RIN2: variants seen among roughly 807,000 people sequenced by gnomAD.
The protein encoded by RIN2 is Ras and Rab interactor 2.
Under a neutral mutation model 78.0 loss-of-function variants are expected in RIN2, and 36 were observed. That is an observed-to-expected ratio of 0.46 (90% CI 0.35 to 0.61). The LOEUF (loss-of-function observed/expected upper bound fraction) is 0.61, where lower values mean the gene tolerates loss of function less well. Ranked by LOEUF, RIN2 falls within the 20% of genes least tolerant of loss-of-function variation. The probability of loss-of-function intolerance (pLI) is 0.00; values close to 1 mark genes in which losing one functional copy is unlikely to be tolerated. For missense variants in RIN2, 1,087 were observed against 1,159.7 expected (o/e 0.94, Z 0.91); for synonymous variants, 466 against 466.8 (o/e 1.00, Z 0.02).
At chr20:19,883,987 G>A (rs1205356619) in intron 2 of RIN2, among the ~76,000 whole-genome samples, 1 of 144,092 alleles carries the variant, frequency 6.9e-6, no homozygotes, top group African/African-American at 2.5e-5. Flanking sequence ...TTATGTGAAA[G>A]ATAGGGTTTC....
chr20:19,813,540 GC>G (rs2035669103), intron 2 of RIN2, among the ~76,000 whole-genome samples: 1 of 152,126 alleles, frequency 6.6e-6, no homozygotes, highest in African/African-American at 2.4e-5. Context: ...TAACAATTGG[GC>G]AAATGAATAC....
rs1204831418 is a variant in RIN2, at chr20:19,958,715, A to G, written c.351+1908A>G. On this transcript the variant is annotated intron_variant, in intron 5 of 12. Coordinates refer to ENST00000255006, the MANE Select transcript of RIN2 (RefSeq NM_018993.4). ...GAAACCCCGTCTCTACTAAAAATAC[A>G]CAAGTTAGCCAGCCATGGTGGCACG... is the stretch of plus-strand genomic sequence containing the variant. 5.3e-5 allele frequency among the ~76,000 whole-genome samples: 8 copies of G among 152,328 alleles called. No homozygotes were observed. The East Asian group carries it at 1.5e-3, about 29-fold the overall frequency.
At chr20:19,898,270 C>A (rs1275149711) in intron 3 of RIN2, among the ~76,000 whole-genome samples, 1 of 152,184 alleles carries the variant, frequency 6.6e-6, no homozygotes, top group Non-Finnish European at 1.5e-5. Flanking sequence ...CAGGGGACTT[C>A]TTTGTTTAAA....
intron 2 of RIN2, among the ~76,000 whole-genome samples, chr20:19,883,608 G>T (rs1404225334): frequency 6.6e-6 from 1 of 152,134 alleles, no homozygotes; most frequent in Non-Finnish European, 1.5e-5. Flanking sequence ...GTCCCAAAGT[G>T]CTGGGATTAC....
intron 1 of RIN2, among the ~76,000 whole-genome samples, chr20:19,780,594 C>T (rs530719641): frequency 9.2e-5 from 14 of 152,270 alleles, no homozygotes; most frequent in African/African-American, 3.4e-4. Flanking sequence ...ATGCCTAGTG[C>T]TCAAGAATAT....
chr20:19,984,493 G>A (rs769309998), intron 9 of RIN2, among the ~76,000 whole-genome samples: 12 of 152,260 alleles, frequency 7.9e-5, no homozygotes, highest in South Asian at 6.2e-4. Flanking sequence ...GGGGCCAGGC[G>A]TGGTGGCTCA....
intron 3 of RIN2, among the ~76,000 whole-genome samples, chr20:19,917,127 G>C (rs1297223021): frequency 6.7e-6 from 1 of 150,290 alleles, no homozygotes; most frequent in Non-Finnish European, 1.5e-5. Flanking sequence ...AAAAAAGGCA[G>C]GCGGAGTGGG....
chr20:19,931,827 C>G (rs1171535631), intron 3 of RIN2, among the ~76,000 whole-genome samples: 1 of 150,790 alleles, frequency 6.6e-6, no homozygotes, highest in Non-Finnish European at 1.5e-5. Flanking sequence ...ATTTTATACT[C>G]AATTAATGTA....
At chr20:19,778,398 G>T (rs1320263469) in intron 1 of RIN2, among the ~76,000 whole-genome samples, 1 of 152,208 alleles carries the variant, frequency 6.6e-6, no homozygotes, top group African/African-American at 2.4e-5. Flanking sequence ...ACTGTTAGTT[G>T]TGTGTGAGGC....
At chr20:19,887,037 T>TC (rs1288295935) in intron 2 of RIN2, among the ~76,000 whole-genome samples, 1 of 151,966 alleles carries the variant, frequency 6.6e-6, no homozygotes, top group Non-Finnish European at 1.5e-5. Context: ...TTTTTTTTTT[T>TC]TCTTTCGAGA....
At chr20:19,906,702 G>T (rs1315717080) in intron 3 of RIN2, among the ~76,000 whole-genome samples, 1 of 152,152 alleles carries the variant, frequency 6.6e-6, no homozygotes, top group African/African-American at 2.4e-5. Flanking sequence ...TTTTCAAGAA[G>T]CTGGAAACCT....
At chr20:19,779,062 C>T (rs918030706) in intron 1 of RIN2, among the ~76,000 whole-genome samples, 9 of 152,126 alleles carry the variant, frequency 5.9e-5, no homozygotes, top group East Asian at 3.9e-4. Context: ...GGTGATCCCA[C>T]GAGAGCAATA....
intron 2 of RIN2, among the ~76,000 whole-genome samples, chr20:19,866,352 G>T (rs950782141): frequency 3.5e-4 from 53 of 152,158 alleles, no homozygotes; most frequent in Non-Finnish European, 6.2e-4. Flanking sequence ...TGCAGTCTTG[G>T]GGGGTGGGGG....
In RIN2 at chr20:19,974,957, C is replaced by T. The variant is rs764608374; in HGVS notation, c.932C>T (p.Pro311Leu). Residue 311 changes from proline to leucine, a missense_variant, in exon 9 of 13, where the codon CCC becomes CTC. Pro to Leu is a moderately conservative substitution (Grantham distance 98, BLOSUM62 -3). Coordinates refer to ENST00000255006, the MANE Select transcript of RIN2 (RefSeq NM_018993.4). ...CGGACTCGGTCCCCCCCACCCAGGC[C>T]CCCGCCACCCGCTATTAATAGTCTC... ...TERTRSPPPR[P>L]PPPAINSLHT... The T allele has an allele frequency of 4.3e-6, 7 of 1,613,064 alleles. No homozygotes were observed. In the South Asian group the frequency reaches 6.6e-5, roughly 15 times the overall value.
chr20:19,956,858 G>C, intron 5 of RIN2, 51 bp downstream of exon 5: 4 of 1,418,070 alleles, frequency 2.8e-6, no homozygotes, highest in Middle Eastern at 2.1e-4. Context: ...GACTGCTGCC[G>C]GCTTAAAGAA....
rs369436204 is a variant in RIN2 at position 19,999,777 on chromosome 20, C to T, written c.2365-836C>T. 4.6e-5 allele frequency among the ~76,000 whole-genome samples: 7 copies of T among 152,156 alleles called. No individual in the cohort carries two copies. The East Asian group carries it at 7.7e-4, about 17-fold the overall frequency. The stretch of plus-strand genomic sequence containing the variant: ...TGATTGCAGCACCTGAGCCTGCAAA[C>T]GTCTTTGTTTAATTCCCTGCAGCAC... On this transcript the variant is annotated intron_variant, in intron 12 of 12. Transcript: ENST00000255006.
intron 7 of RIN2, among the ~76,000 whole-genome samples, chr20:19,969,272 C>A (rs1187296472): frequency 6.6e-6 from 1 of 152,192 alleles, no homozygotes; most frequent in South Asian, 2.1e-4. Context: ...CTCAGCACGT[C>A]TCATGATGAC....
At chr20:19,965,217 A>C (rs2041897678) in intron 7 of RIN2, among the ~76,000 whole-genome samples, 193 bp downstream of exon 7, 2 of 152,168 alleles carry the variant, frequency 1.3e-5, no homozygotes, top group Admixed American at 1.3e-4. Context: ...CTTAAGGTCA[A>C]AACGACTATC....
At chr20:19,835,127 AAAGG>A (rs1431376477) in intron 2 of RIN2, among the ~76,000 whole-genome samples, 3 of 100,076 alleles carry the variant, frequency 3.0e-5, no homozygotes, top group African/African-American at 9.9e-5. Context: ...AGGAAGGAAG[AAAGG>A]AAGGAAGGGA....
Sources: gnomAD v4.1 joint callset for allele counts (sites outside exome capture counted in the v4.1 genomes callset) on GRCh38, gnomAD v4.1.1 for gene constraint, MANE v1.5 for transcripts, NCBI Gene and HGNC (gene_info 2026-07-23, HGNC 2026-07-21) for gene names.